EPHA6: variants seen among roughly 807,000 people sequenced by gnomAD.
EPHA6 encodes the protein ephrin type-A receptor 6.
In EPHA6, 50 loss-of-function variants were observed where a neutral mutation model predicts 112.0. That is an observed-to-expected ratio of 0.45 (90% CI 0.36 to 0.56). The LOEUF (loss-of-function observed/expected upper bound fraction) is 0.56, where lower values mean the gene tolerates loss of function less well. Among genes scored for constraint, EPHA6 ranks in the 20% least tolerant of loss-of-function variants. The probability of loss-of-function intolerance (pLI) is 0.00; values close to 1 mark genes in which losing one functional copy is unlikely to be tolerated. For missense variants in EPHA6, 1,280 were observed against 1,417.4 expected, an observed-to-expected ratio of 0.90 and a Z score of 1.56; for synonymous variants, 529 against 490.7, an observed-to-expected ratio of 1.08 and a Z score of -1.03.
intron 5 of EPHA6, among the ~76,000 whole-genome samples, chr3:97,388,050 C>G (rs774736303): frequency 1.3e-5 from 2 of 152,204 alleles, no homozygotes; most frequent in Non-Finnish European, 2.9e-5. Context: ...CAAATGAAGT[C>G]TGCCCCCATG....
At chr3:97,452,897 GA>G (rs2090573486) in intron 7 of EPHA6, among the ~76,000 whole-genome samples, 1 of 151,466 alleles carries the variant, frequency 6.6e-6, no homozygotes, top group Admixed American at 6.6e-5. Context: ...AGAAAAAAAT[GA>G]GAATCAAAAT....
chr3:97,529,590 T>TAATA (rs10655344), intron 10 of EPHA6, among the ~76,000 whole-genome samples: 152,174 of 152,188 alleles, frequency 1, 76,080 homozygotes, highest in Middle Eastern at 1. Context: ...GTCAATCACA[T>TAATA]AATCAGTTTT....
At chr3:97,337,315 A>T (rs148638287) in intron 5 of EPHA6, among the ~76,000 whole-genome samples, 1 of 152,282 alleles carries the variant, frequency 6.6e-6, no homozygotes, top group African/African-American at 2.4e-5. Flanking sequence ...TACATATTTA[A>T]AGACCTAAGT....
chr3:97,394,660 C>G lies in EPHA6; in HGVS notation c.1607-10490C>G, dbSNP rs561837000. ...AAGAGAAGACATACAAATAGCCAAC[C>G]TGTACATGAAAAAATATTAAACATC... On this transcript the variant is annotated intron_variant, in intron 5 of 17. Coordinates refer to ENST00000389672, the MANE Select transcript of EPHA6 (RefSeq NM_001080448.3). Among the ~76,000 whole-genome samples, 10 of 151,704 alleles carry G rather than the reference C, an allele frequency of 6.6e-5. No individual in the cohort carries two copies. In the South Asian group the frequency reaches 1.0e-3, roughly 16 times the overall value.
chr3:97,683,763 G>A (rs2032041674), intron 14 of EPHA6, among the ~76,000 whole-genome samples: 1 of 152,006 alleles, frequency 6.6e-6, no homozygotes, highest in Admixed American at 6.6e-5. Flanking sequence ...TTCTGTATTC[G>A]GTTTAGCTCT....
chr3:97,619,434 G>GA (rs35054536), intron 13 of EPHA6, among the ~76,000 whole-genome samples: 2 of 11,676 alleles, frequency 1.7e-4, no homozygotes, highest in African/African-American at 1.5e-3. Context: ...AATAGAAAAA[G>GA]GGGGGGGGGG....
chr3:97,566,138 G>A (rs1384304813), intron 11 of EPHA6, among the ~76,000 whole-genome samples: 1 of 152,132 alleles, frequency 6.6e-6, no homozygotes, highest in Non-Finnish European at 1.5e-5. Context: ...AATCGTGGTG[G>A]AAGGTAGCAA....
intron 10 of EPHA6, among the ~76,000 whole-genome samples, chr3:97,518,510 G>A (rs746067816): frequency 2.0e-5 from 3 of 151,082 alleles, no homozygotes; most frequent in East Asian, 1.9e-4. Flanking sequence ...TCATGTGGTC[G>A]TTCTTTTGTT....
chr3:97,729,385 C>T (rs1358912351), intron 15 of EPHA6, among the ~76,000 whole-genome samples: 1 of 152,004 alleles, frequency 6.6e-6, no homozygotes, highest in Non-Finnish European at 1.5e-5. Flanking sequence ...GCTGGGGAGG[C>T]CTCACAATCA....
At chr3:97,460,098 T>G (rs1448102621) in intron 7 of EPHA6, among the ~76,000 whole-genome samples, 1 of 152,218 alleles carries the variant, frequency 6.6e-6, no homozygotes, top group African/African-American at 2.4e-5. Context: ...AAAACTGACA[T>G]GCCATGCAAA....
At chr3:96,924,165 GT>G (rs1407057720) in intron 2 of EPHA6, among the ~76,000 whole-genome samples, 4 of 152,072 alleles carry the variant, frequency 2.6e-5, no homozygotes, top group Non-Finnish European at 5.9e-5. Flanking sequence ...TTTTTAAATA[GT>G]TTTTCTAAAT....
At chr3:97,258,969 C>T (rs1490042062) in intron 5 of EPHA6, among the ~76,000 whole-genome samples, 1 of 152,166 alleles carries the variant, frequency 6.6e-6, no homozygotes, top group Non-Finnish European at 1.5e-5. Context: ...GGACACCTCT[C>T]TTAAAATCCT....
At chr3:97,218,075 C>T (rs1230523663) in intron 3 of EPHA6, among the ~76,000 whole-genome samples, 1 of 152,018 alleles carries the variant, frequency 6.6e-6, no homozygotes, top group East Asian at 1.9e-4. Context: ...AGAATGGGAC[C>T]AGCCTGAACA....
intron 14 of EPHA6, among the ~76,000 whole-genome samples, chr3:97,708,945 A>T (rs999825296): frequency 6.6e-6 from 1 of 152,156 alleles, no homozygotes; most frequent in Non-Finnish European, 1.5e-5. Flanking sequence ...ATTTCAGAGG[A>T]CGTATGGAAA....
chr3:97,209,709 G>A (rs2077814709), intron 3 of EPHA6, among the ~76,000 whole-genome samples: 1 of 152,010 alleles, frequency 6.6e-6, no homozygotes, highest in Non-Finnish European at 1.5e-5. Context: ...TATGACAGTG[G>A]GACATTCAAA....
intron 3 of EPHA6, among the ~76,000 whole-genome samples, chr3:97,168,120 A>G (rs1024532991): frequency 2.0e-5 from 3 of 152,148 alleles, no homozygotes; most frequent in South Asian, 4.1e-4. Flanking sequence ...TTTTAAAATA[A>G]TTCTGTTTAT....
At chr3:96,847,722 C>T (rs974885075) in intron 1 of EPHA6, among the ~76,000 whole-genome samples, 5 of 151,990 alleles carry the variant, frequency 3.3e-5, no homozygotes, top group South Asian at 2.1e-4. Context: ...TGTATTTTTG[C>T]ATACTTTGGA....
At chr3:96,818,694 A>C (rs2033007310) in intron 1 of EPHA6, among the ~76,000 whole-genome samples, 1 of 151,954 alleles carries the variant, frequency 6.6e-6, no homozygotes, top group East Asian at 1.9e-4. Flanking sequence ...ATAGAAATGG[A>C]GACATTGAGG....
intron 5 of EPHA6, among the ~76,000 whole-genome samples, chr3:97,255,220 T>C (rs1371954211): frequency 6.6e-6 from 1 of 151,314 alleles, no homozygotes; most frequent in Non-Finnish European, 1.5e-5. Flanking sequence ...TTCTCTCAAA[T>C]GAGTGCTATG....
Sources: gnomAD v4.1 joint callset for allele counts (sites outside exome capture counted in the v4.1 genomes callset) on GRCh38, gnomAD v4.1.1 for gene constraint, MANE v1.5 for transcripts, NCBI Gene and HGNC (gene_info 2026-07-23, HGNC 2026-07-21) for gene names.